Variants in URI1 observed in about 807,000 individuals in gnomAD.
The protein encoded by URI1 is URI1 prefoldin like chaperone.
URI1 carries 39 observed loss-of-function variants against 60.2 expected under a neutral mutation model. That is an observed-to-expected ratio of 0.65 (90% CI 0.50 to 0.85). The LOEUF (loss-of-function observed/expected upper bound fraction) is 0.85, where lower values mean the gene tolerates loss of function less well. Among genes scored for constraint, URI1 ranks in the 40% least tolerant of loss-of-function variants. URI1 has a pLI of 0.00. For synonymous variants in URI1, 251 were observed against 236.8 expected, an observed-to-expected ratio of 1.06 and a Z score of -0.55; for missense variants, 691 against 665.9, an observed-to-expected ratio of 1.04 and a Z score of -0.42.
In URI1 at chr19:29,962,402, C is replaced by CT. The variant is rs11331580; in HGVS notation, c.118-8772dup. 6.6e-3 allele frequency among the ~76,000 whole-genome samples: 817 copies of CT among 123,450 alleles called. 9 individuals carry two copies. Among genetic ancestry groups the CT allele is most frequent in the African/African-American group, 0.023 (775 of 33,232 alleles). 81.0% of individuals were successfully genotyped at this position (123,450 alleles called of 152,430 possible). A position where few individuals can be genotyped will look rare whatever the true frequency, so the allele number is the denominator to read the frequency against. On this transcript the variant is annotated intron_variant, in intron 1 of 10. Coordinates refer to ENST00000392271, the MANE Select transcript of URI1 (RefSeq NM_003796.3). ...TAAATATAATATGTATTTATAGTATCTTTTTTTTTTTTTTTTTTTACAATT... is the reference window on the plus strand; with the variant it reads ...TAAATATAATATGTATTTATAGTATCTTTTTTTTTTTTTTTTTTTTACAATT...
intron 4 of URI1, among the ~76,000 whole-genome samples, chr19:29,993,310 A>G (rs1194564053): frequency 2.0e-5 from 3 of 152,154 alleles, no homozygotes; most frequent in South Asian, 2.1e-4. Context: ...CCTAGAGGCA[A>G]TGTTGTTGAC....
intron 1 of URI1, among the ~76,000 whole-genome samples, chr19:29,961,030 A>G (rs1023375504): frequency 6.8e-6 from 1 of 147,084 alleles, no homozygotes; most frequent in Non-Finnish European, 1.5e-5. Flanking sequence ...AAAAAAAAAA[A>G]TTTTTTTTTT....
intron 1 of URI1, among the ~76,000 whole-genome samples, chr19:29,952,843 T>C (rs1291700023): frequency 6.6e-6 from 1 of 152,200 alleles, no homozygotes; most frequent in East Asian, 1.9e-4. Flanking sequence ...AGAAACTCTC[T>C]ACCCATTAAG....
At chr19:30,003,076 C>CA (rs1366503953) in intron 4 of URI1, among the ~76,000 whole-genome samples, 2 of 151,972 alleles carry the variant, frequency 1.3e-5, no homozygotes, top group African/African-American at 2.4e-5. Context: ...TGTTAAATCT[C>CA]AGAGTTATAG....
At chr19:30,008,718 T>G (rs2055975790) in intron 7 of URI1, among the ~76,000 whole-genome samples, 1 of 152,242 alleles carries the variant, frequency 6.6e-6, no homozygotes, top group Non-Finnish European at 1.5e-5. Flanking sequence ...TTATTATTAT[T>G]GATACTATAT....
upstream of URI1, among the ~76,000 whole-genome samples, chr19:29,941,518 G>A (rs1008860595): frequency 1.3e-5 from 2 of 151,992 alleles, no homozygotes; most frequent in Non-Finnish European, 2.9e-5. Context: ...CTACTCCTGA[G>A]GCTGAGGTGG....
chr19:29,970,082 G>A (rs932193731), intron 1 of URI1, among the ~76,000 whole-genome samples: 1 of 132,088 alleles, frequency 7.6e-6, no homozygotes, highest in African/African-American at 2.8e-5. Context: ...GGAATTAAAT[G>A]TTACAATAGA....
chr19:29,963,560 T>A (rs954026260), intron 1 of URI1, among the ~76,000 whole-genome samples: 7 of 152,212 alleles, frequency 4.6e-5, no homozygotes, highest in Non-Finnish European at 8.8e-5. Context: ...GTATCTAGAT[T>A]GCATGTGTGT....
At chr19:29,961,460 C>T (rs1028214683) in intron 1 of URI1, among the ~76,000 whole-genome samples, 1 of 151,956 alleles carries the variant, frequency 6.6e-6, no homozygotes, top group African/African-American at 2.4e-5. Flanking sequence ...TCTCAAGGTT[C>T]GTCCACGTTG....
chr19:29,979,533 C>CTA lies in URI1; in HGVS notation c.153-5678_153-5677dup, dbSNP rs138898035. ...GAACAGATTTTTCTGTCCAGGCTTA[C>CTA]TATATATATATATCCATTGCACTGT... On this transcript the variant is annotated intron_variant, in intron 2 of 10. Coordinates refer to ENST00000392271, the MANE Select transcript of URI1 (RefSeq NM_003796.3). Among the ~76,000 whole-genome samples the CTA allele has an allele frequency of 4.3e-4, 65 of 151,364 alleles. 1 individual carries two copies. Among genetic ancestry groups the CTA allele is most frequent in the South Asian group, 4.2e-3 (20 of 4,778 alleles).
chr19:29,942,751 C>T lies in URI1; in HGVS notation c.117+87C>T. The T allele has an allele frequency of 2.4e-6, 3 of 1,267,230 alleles. 1 individual carries two copies. The allele number at this position is 1,267,230 out of a possible 1,614,324, so 78.5% of individuals were successfully genotyped here. A position where few individuals can be genotyped will look rare whatever the true frequency, so the allele number is the denominator to read the frequency against. On this transcript the variant is annotated intron_variant, in intron 1 of 10. Coordinates refer to ENST00000392271, the MANE Select transcript of URI1 (RefSeq NM_003796.3). Reference sequence around the variant, plus strand: ...GGGCCGCCGCCCCGCGTGGCCTAGGCCCAGCTGCCCGGGCCCCCGGAGGGA... The same window carrying T: ...GGGCCGCCGCCCCGCGTGGCCTAGGTCCAGCTGCCCGGGCCCCCGGAGGGA...
chr19:29,984,403 T>C (rs143080700), intron 2 of URI1, among the ~76,000 whole-genome samples: 3,158 of 152,298 alleles, frequency 0.021, 103 homozygotes, highest in African/African-American at 0.071. Context: ...CACTCCAGCC[T>C]GGGCAACAGA....
At chr19:29,979,874 A>G (rs953503255) in intron 2 of URI1, among the ~76,000 whole-genome samples, 1 of 152,182 alleles carries the variant, frequency 6.6e-6, no homozygotes, top group Non-Finnish European at 1.5e-5. Flanking sequence ...ATATTTTGCC[A>G]TGACCATTTA....
intron 1 of URI1, among the ~76,000 whole-genome samples, chr19:29,966,036 A>G (rs568915961): frequency 6.6e-6 from 1 of 152,384 alleles, no homozygotes; most frequent in African/African-American, 2.4e-5. Context: ...AAGTGGCTCC[A>G]TATAATTGGA....
chr19:29,971,079 A>G (rs1435727120), intron 1 of URI1, 114 bp from the exon 2 acceptor site: 1 of 964,826 alleles, frequency 1.0e-6, no homozygotes, highest in Admixed American at 2.0e-5. Context: ...AAAAATGTAT[A>G]CTGAGATGCT....
intron 1 of URI1, chr19:29,956,282 A>G (rs1246703726): frequency 1.4e-6 from 1 of 692,384 alleles, no homozygotes; most frequent in Non-Finnish European, 2.2e-6. Context: ...GGCCCAGAGT[A>G]GTCTTTTTTT....
chr19:29,973,481 A>G (rs1298118257), intron 2 of URI1, among the ~76,000 whole-genome samples: 1 of 152,186 alleles, frequency 6.6e-6, no homozygotes, highest in African/African-American at 2.4e-5. Context: ...AGTATAGTAA[A>G]GAAGAACAAA....
chr19:29,997,450 T>C (rs1555745069), intron 4 of URI1, among the ~76,000 whole-genome samples: 1 of 152,156 alleles, frequency 6.6e-6, no homozygotes, highest in Non-Finnish European at 1.5e-5. Flanking sequence ...TTAGACAGTC[T>C]AATAAAGATT....
chr19:30,016,017 A>T lies in URI1; in HGVS notation c.*948A>T, dbSNP rs1354132308. ...TCAAAATAAATTTATTCTAACATTGAAAATAACATTACAAGTTAATCATTA... is the reference window on the plus strand; with the variant it reads ...TCAAAATAAATTTATTCTAACATTGTAAATAACATTACAAGTTAATCATTA... On this transcript the variant is annotated 3_prime_UTR_variant, in exon 11 of 11. Coordinates refer to ENST00000392271, the MANE Select transcript of URI1 (RefSeq NM_003796.3). 6.4e-6 allele frequency: 1 copy of T among 155,074 alleles called. No individual in the cohort carries two copies. The highest frequency in any genetic ancestry group is 6.5e-5 in the Admixed American group (1 of 15,412). The allele number at this position is 155,074 out of a possible 1,614,324, so 9.6% of individuals were successfully genotyped here. A position where few individuals can be genotyped will look rare whatever the true frequency, so the allele number is the denominator to read the frequency against.
Sources: allele counts gnomAD v4.1 joint callset (sites outside exome capture counted in the v4.1 genomes callset), GRCh38; gene constraint gnomAD v4.1.1; transcripts MANE v1.5; gene names NCBI Gene and HGNC (gene_info 2026-07-23, HGNC 2026-07-21).